The following RAD51B variants were observed in gnomAD, a reference collection of about 807,000 sequenced individuals.
RAD51B encodes the protein RAD51 paralog B.
RAD51B carries 38 observed loss-of-function variants against 42.2 expected under a neutral mutation model. That is an observed-to-expected ratio of 0.90 (90% CI 0.70 to 1.18). The LOEUF is 1.18. Among genes scored for constraint, RAD51B ranks in the 50% most tolerant of loss-of-function variants. RAD51B has a pLI of 0.00. For missense variants in RAD51B, 373 were observed against 400.7 expected, an observed-to-expected ratio of 0.93 and a Z score of 0.59; for synonymous variants, 154 against 145.2, an observed-to-expected ratio of 1.06 and a Z score of -0.43.
At chr14:68,123,191 CTT>C (rs541886088) in intron 7 of RAD51B, among the ~76,000 whole-genome samples, 43 of 125,450 alleles carry the variant, frequency 3.4e-4, no homozygotes, top group African/African-American at 1.1e-3. Flanking sequence ...TTCTTTCTTT[CTT>C]TTTTTTTTTT....
chr14:68,474,814 G>A (rs1365758458), intron 10 of RAD51B, among the ~76,000 whole-genome samples: 1 of 152,214 alleles, frequency 6.6e-6, no homozygotes, highest in East Asian at 1.9e-4. Context: ...AAGTCCCTGA[G>A]TGCAGTTAGA....
At chr14:68,072,223 T>TATATATAA (rs1176935059) in intron 7 of RAD51B, among the ~76,000 whole-genome samples, 2 of 144,544 alleles carry the variant, frequency 1.4e-5, no homozygotes, top group Admixed American at 7.0e-5. Context: ...TATATATATA[T>TATATATAA]AAAATAAACT....
chr14:68,484,503 G>A (rs1295625174), intron 10 of RAD51B, among the ~76,000 whole-genome samples: 5 of 151,842 alleles, frequency 3.3e-5, no homozygotes, highest in South Asian at 2.1e-4. Flanking sequence ...GACTACAGGC[G>A]CCCACCACCA....
chr14:68,329,898 C>G (rs558581445), intron 8 of RAD51B, among the ~76,000 whole-genome samples: 2 of 150,132 alleles, frequency 1.3e-5, no homozygotes, highest in South Asian at 4.2e-4. Flanking sequence ...AGGAGAAAGG[C>G]ATGAACCCAG....
chr14:67,922,085 C>G (rs1208180792), intron 7 of RAD51B, among the ~76,000 whole-genome samples: 1 of 152,192 alleles, frequency 6.6e-6, no homozygotes, highest in Non-Finnish European at 1.5e-5. Context: ...GCCAGTGTGT[C>G]CTTCTTGCAG....
chr14:68,307,242 G>A (rs1217872466), intron 8 of RAD51B, among the ~76,000 whole-genome samples: 1 of 152,128 alleles, frequency 6.6e-6, no homozygotes, highest in Non-Finnish European at 1.5e-5. Flanking sequence ...TCTTGCAACA[G>A]GCGAGCACTG....
intron 7 of RAD51B, among the ~76,000 whole-genome samples, chr14:68,189,669 A>G (rs1229455673): frequency 2.6e-5 from 4 of 151,830 alleles, no homozygotes; most frequent in African/African-American, 4.8e-5. Flanking sequence ...TAAATTTATT[A>G]TTATTATTAT....
chr14:68,539,196 C>A (rs913830363), intron 10 of RAD51B, among the ~76,000 whole-genome samples: 1 of 152,162 alleles, frequency 6.6e-6, no homozygotes. Context: ...CCATGCCATG[C>A]GAACTGGAAA....
chr14:67,887,137 A>G lies in RAD51B; in HGVS notation c.689A>G (p.Glu230Gly). ...FDAQLQGNLK[E>G]RNKFLAREAS... ...GCACAACTTCAAGGCAATCTCAAAG[A>G]AAGAAACAAGTTCTTGGCAAGAGAG... is the stretch of plus-strand genomic sequence containing the variant. The change falls in exon 7 of 11, where the codon GAA becomes GGA. Residue 230 changes from glutamate to glycine, a missense_variant. Coordinates refer to ENST00000471583, the MANE Select transcript of RAD51B (RefSeq NM_133510.4). The G allele has an allele frequency of 6.2e-7, 1 of 1,612,264 alleles. No individual in the cohort carries two copies. The highest frequency in any genetic ancestry group is 2.2e-5 in the East Asian group (1 of 44,788).
At chr14:68,624,793 C>T (rs1234703905) in intron 10 of RAD51B, among the ~76,000 whole-genome samples, 1 of 152,176 alleles carries the variant, frequency 6.6e-6, no homozygotes, top group Non-Finnish European at 1.5e-5. Context: ...GAGACTTCTT[C>T]CCTCATCATC....
chr14:68,365,175 A>G lies in RAD51B; in HGVS notation c.854-46249A>G, dbSNP rs1594733304. Among the ~76,000 whole-genome samples the G allele has an allele frequency of 4.6e-5, 7 of 152,334 alleles. No homozygotes were observed. In the South Asian group the frequency reaches 1.5e-3, roughly 32 times the overall value. On this transcript the variant is annotated intron_variant, in intron 8 of 10. Coordinates refer to ENST00000471583, the MANE Select transcript of RAD51B (RefSeq NM_133510.4). ...GACGTACTTTATGGGCCACCTCGGA[A>G]TAGATCATCAGCTTTAACGCCAGAG...
intron 7 of RAD51B, among the ~76,000 whole-genome samples, chr14:68,181,982 T>C (rs1034781874): frequency 3.9e-5 from 6 of 152,232 alleles, no homozygotes; most frequent in Non-Finnish European, 8.8e-5. Context: ...ACCTAAAGAA[T>C]ATAATGATGT....
At chr14:68,337,737 C>T (rs1330443668) in intron 8 of RAD51B, among the ~76,000 whole-genome samples, 5 of 152,158 alleles carry the variant, frequency 3.3e-5, no homozygotes. Context: ...GAATTAAGAA[C>T]CACTTGCTTA....
intron 9 of RAD51B, among the ~76,000 whole-genome samples, chr14:68,453,168 C>A (rs953501795): frequency 1.3e-5 from 2 of 152,174 alleles, no homozygotes; most frequent in African/African-American, 4.8e-5. Flanking sequence ...AGAGTGCCTG[C>A]ACTTTAATGT....
At chr14:68,595,103 A>G (rs1890935001) in exon 11 of RAD51B, 1 of 1,067,092 alleles carries the variant, frequency 9.4e-7, no homozygotes, top group South Asian at 4.5e-5. Flanking sequence ...GATGAACCAC[A>G]GCATTTTGGT....
chr14:68,430,924 C>T (rs1002883775), intron 9 of RAD51B, among the ~76,000 whole-genome samples: 3 of 152,108 alleles, frequency 2.0e-5, no homozygotes, highest in Non-Finnish European at 4.4e-5. Flanking sequence ...AGATATGTCC[C>T]ATCAATACCT....
At chr14:67,878,250 A>G (rs947602806) in intron 5 of RAD51B, among the ~76,000 whole-genome samples, 1 of 152,072 alleles carries the variant, frequency 6.6e-6, no homozygotes, top group African/African-American at 2.4e-5. Context: ...AGTTTCTTTA[A>G]TTTTGTCATA....
chr14:67,994,808 T>C (rs772682093), intron 7 of RAD51B, among the ~76,000 whole-genome samples: 1 of 152,230 alleles, frequency 6.6e-6, no homozygotes, highest in African/African-American at 2.4e-5. Flanking sequence ...AGAAGAGATA[T>C]TTCTACACTC....
intron 8 of RAD51B, among the ~76,000 whole-genome samples, chr14:68,320,780 C>T (rs768854902): frequency 6.0e-4 from 92 of 152,344 alleles, no homozygotes; most frequent in Non-Finnish European, 1.0e-3. Flanking sequence ...ATCCCATCAT[C>T]TGCTGTGGCC....
Sources: allele counts gnomAD v4.1 joint callset (sites outside exome capture counted in the v4.1 genomes callset), GRCh38; gene constraint gnomAD v4.1.1; transcripts MANE v1.5; gene names NCBI Gene and HGNC (gene_info 2026-07-23, HGNC 2026-07-21).